The following CMIP variants were observed in gnomAD, a reference collection of about 807,000 sequenced individuals.
CMIP encodes c-Maf inducing protein, also known as C-Maf-inducing protein.
Under a neutral mutation model 97.3 loss-of-function variants are expected in CMIP, and 13 were observed. The observed-to-expected ratio is 0.13, with a 90% CI of 0.09 to 0.21. The LOEUF is 0.21. Among genes scored for constraint, CMIP ranks in the 10% least tolerant of loss-of-function variants. The probability of loss-of-function intolerance (pLI) is 1.00; values close to 1 mark genes in which losing one functional copy is unlikely to be tolerated. For synonymous variants in CMIP, 538 were observed against 436.3 expected (o/e 1.23, Z -2.91); for missense variants, 847 against 1,024.9 (o/e 0.83, Z 2.37).
At chr16:81,633,563 G>A (rs958186406) in intron 3 of CMIP, among the ~76,000 whole-genome samples, 3 of 152,246 alleles carry the variant, frequency 2.0e-5, no homozygotes, top group Non-Finnish European at 1.5e-5. Context: ...GATGCAGAAC[G>A]ACTAGGGCCC....
At chr16:81,642,945 T>C (rs562922095) in intron 3 of CMIP, among the ~76,000 whole-genome samples, 2 of 152,256 alleles carry the variant, frequency 1.3e-5, no homozygotes, top group South Asian at 4.2e-4. Flanking sequence ...AGTGGACTGT[T>C]AGTCATGGAA....
chr16:81,573,986 G>T (rs1465649980), intron 1 of CMIP, among the ~76,000 whole-genome samples: 1 of 151,980 alleles, frequency 6.6e-6, no homozygotes, highest in Non-Finnish European at 1.5e-5. Context: ...GCCTAGGCTT[G>T]ACCCCTGGAG....
chr16:81,482,955 C>T (rs1271295975), intron 1 of CMIP, among the ~76,000 whole-genome samples: 1 of 152,222 alleles, frequency 6.6e-6, no homozygotes, highest in Non-Finnish European at 1.5e-5. Flanking sequence ...CACTGTGCAC[C>T]AGGCACCATT....
At chr16:81,606,353 G>A (rs2091743799) in intron 1 of CMIP, among the ~76,000 whole-genome samples, 1 of 152,204 alleles carries the variant, frequency 6.6e-6, no homozygotes, top group Non-Finnish European at 1.5e-5. Flanking sequence ...GCATGGGAGA[G>A]CCAGGGAGGT....
At chr16:81,559,524 G>A (rs972022932) in intron 1 of CMIP, among the ~76,000 whole-genome samples, 5 of 152,166 alleles carry the variant, frequency 3.3e-5, no homozygotes, top group Admixed American at 6.5e-5. Flanking sequence ...TGACGTGGTC[G>A]GTGTGTGATG....
At chr16:81,648,026 G>A (rs991735406) in intron 3 of CMIP, among the ~76,000 whole-genome samples, 2 of 134,674 alleles carry the variant, frequency 1.5e-5, no homozygotes, top group African/African-American at 5.7e-5. Flanking sequence ...CACCCGCAGA[G>A]CCGTAGCCCA....
chr16:81,649,966 C>A (rs1279947828), intron 3 of CMIP, among the ~76,000 whole-genome samples: 1 of 152,206 alleles, frequency 6.6e-6, no homozygotes, highest in Non-Finnish European at 1.5e-5. Flanking sequence ...TTTCATCGTG[C>A]TATTCAGGCA....
chr16:81,519,286 G>A (rs2089975342), intron 1 of CMIP: 1 of 152,244 alleles, frequency 6.6e-6, no homozygotes. Flanking sequence ...ATGACAGAGT[G>A]AGACCCTGTC....
chr16:81,520,392 T>G (rs1326827849), intron 1 of CMIP: 2 of 152,214 alleles, frequency 1.3e-5, no homozygotes, highest in Non-Finnish European at 2.9e-5. Flanking sequence ...GAGTGTTTGC[T>G]TACTTAAAAT....
At chr16:81,579,468 C>A (rs1474097318) in intron 1 of CMIP, among the ~76,000 whole-genome samples, 1 of 152,198 alleles carries the variant, frequency 6.6e-6, no homozygotes, top group Non-Finnish European at 1.5e-5. Flanking sequence ...GTGTCATGTT[C>A]ACCTTGAGCC....
chr16:81,496,222 T>A (rs2089488086), intron 1 of CMIP, among the ~76,000 whole-genome samples: 1 of 152,196 alleles, frequency 6.6e-6, no homozygotes, highest in African/African-American at 2.4e-5. Flanking sequence ...TAGTAGGTGC[T>A]ATGGTTACTA....
chr16:81,650,040 G>A (rs1412030120), intron 3 of CMIP, among the ~76,000 whole-genome samples: 4 of 152,180 alleles, frequency 2.6e-5, no homozygotes, highest in African/African-American at 7.2e-5. Context: ...GAAGGAGGCT[G>A]GTTATGGTTC....
chr16:81,521,237 T>G (rs2090020793), intron 1 of CMIP, among the ~76,000 whole-genome samples: 1 of 152,186 alleles, frequency 6.6e-6, no homozygotes, highest in South Asian at 2.1e-4. Flanking sequence ...CCTTCCTGAG[T>G]GGCCTCTGCA....
intron 1 of CMIP, among the ~76,000 whole-genome samples, chr16:81,601,681 G>C (rs1229402432): frequency 2.6e-5 from 4 of 152,148 alleles, no homozygotes; most frequent in African/African-American, 9.7e-5. Context: ...CTGTCCCCGA[G>C]AGCAAAAAGA....
At chr16:81,537,546 C>CAAAAA (rs397695977) in intron 1 of CMIP, among the ~76,000 whole-genome samples, 9 of 82,070 alleles carry the variant, frequency 1.1e-4, no homozygotes, top group Non-Finnish European at 1.6e-4. Context: ...AAAAAAAAGA[C>CAAAAA]AAAAAAAAAA....
At position 81,588,544 on chromosome 16, in the gene CMIP, A is replaced by G. The variant is rs113461706; in HGVS notation, c.301-19023A>G. The stretch of plus-strand genomic sequence containing the variant: ...CTTCTCCAGCATTGTCGGTGTGACA[A>G]TTACATCATTACCTACTTCTTCTGA... On this transcript the variant is annotated intron_variant, in intron 1 of 20. Transcript: ENST00000537098. 8.5e-3 allele frequency among the ~76,000 whole-genome samples: 1,294 copies of G among 152,236 alleles called. 17 individuals are homozygous for G. The highest frequency in any genetic ancestry group is 0.029 in the African/African-American group (1,187 of 41,542).
At chr16:81,689,197 G>C (rs1364166107) in intron 10 of CMIP, among the ~76,000 whole-genome samples, 1 of 152,190 alleles carries the variant, frequency 6.6e-6, no homozygotes, top group African/African-American at 2.4e-5. Context: ...TGGGTCAAAT[G>C]GTATTTCTAG....
At position 81,705,065 on chromosome 16, in the gene CMIP, C is replaced by T. The variant is rs537566776; in HGVS notation, c.2092-434C>T. Among the ~76,000 whole-genome samples, 3 of 152,264 alleles carry T rather than the reference C, an allele frequency of 2.0e-5. No homozygotes were observed. The East Asian group carries it at 5.8e-4, about 30-fold the overall frequency. The stretch of plus-strand genomic sequence containing the variant: ...TGCACAGGGCAGATGAAGGGGCCTT[C>T]ACTGCACACCTGTGAAGTGCAGGTT... On this transcript the variant is annotated intron_variant, in intron 18 of 20. Coordinates refer to ENST00000537098, the MANE Select transcript of CMIP (RefSeq NM_198390.3).
chr16:81,542,489 G>A (rs1197150045), intron 1 of CMIP, among the ~76,000 whole-genome samples: 1 of 152,164 alleles, frequency 6.6e-6, no homozygotes, highest in South Asian at 2.1e-4. Context: ...TCTGGGAATA[G>A]GGTCTGCAGG....
Sources: allele counts gnomAD v4.1 joint callset (sites outside exome capture counted in the v4.1 genomes callset), GRCh38; gene constraint gnomAD v4.1.1; transcripts MANE v1.5; gene names NCBI Gene and HGNC (gene_info 2026-07-23, HGNC 2026-07-21).